GPC6: variants seen among roughly 807,000 people sequenced by gnomAD.
GPC6 encodes the protein glypican-6.
Under a neutral mutation model 55.2 loss-of-function variants are expected in GPC6, and 14 were observed. The observed-to-expected ratio is 0.25, with a 90% CI of 0.17 to 0.40. GPC6 has a LOEUF of 0.40. GPC6 is among the 10% of genes least tolerant of loss of function. The probability of loss-of-function intolerance (pLI) is 1.00; values close to 1 mark genes in which losing one functional copy is unlikely to be tolerated. For synonymous variants in GPC6, 278 were observed against 259.6 expected, an observed-to-expected ratio of 1.07 and a Z score of -0.68; for missense variants, 641 against 708.5, an observed-to-expected ratio of 0.90 and a Z score of 1.08.
At chr13:93,523,167 A>T (rs1022854396) in intron 1 of GPC6, among the ~76,000 whole-genome samples, 1 of 146,492 alleles carries the variant, frequency 6.8e-6, no homozygotes, top group East Asian at 2.1e-4. Flanking sequence ...ATATGTACAT[A>T]TATACACATA....
intron 4 of GPC6, 147 bp from the exon 5 acceptor site, chr13:94,286,202 C>G (rs767745730): frequency 2.0e-5 from 14 of 687,842 alleles, no homozygotes; most frequent in South Asian, 7.1e-5. Flanking sequence ...ATTCAGTCAT[C>G]TATTTCATTT....
At chr13:93,417,981 A>G (rs903462213) in intron 1 of GPC6, among the ~76,000 whole-genome samples, 1 of 152,070 alleles carries the variant, frequency 6.6e-6, no homozygotes, top group Non-Finnish European at 1.5e-5. Flanking sequence ...TAGCTTTCAT[A>G]CTTTATAAGA....
intron 2 of GPC6, among the ~76,000 whole-genome samples, chr13:93,743,685 A>G (rs918756972): frequency 1.3e-5 from 2 of 151,922 alleles, no homozygotes; most frequent in African/African-American, 4.8e-5. Flanking sequence ...TTTCATCTTT[A>G]TTATTTCCTT....
At chr13:94,067,540 A>G (rs1884563472) in intron 4 of GPC6, among the ~76,000 whole-genome samples, 1 of 151,684 alleles carries the variant, frequency 6.6e-6, no homozygotes. Flanking sequence ...GGGTGTGCTT[A>G]ATATTCACTG....
chr13:94,349,924 G>A (rs766806529), intron 6 of GPC6, among the ~76,000 whole-genome samples: 21 of 151,942 alleles, frequency 1.4e-4, no homozygotes, highest in Non-Finnish European at 2.2e-4. Context: ...AAAATTTCCC[G>A]AAATCCAAGG....
At chr13:93,257,801 G>T (rs1479335250) in intron 1 of GPC6, among the ~76,000 whole-genome samples, 2 of 152,108 alleles carry the variant, frequency 1.3e-5, no homozygotes, top group Non-Finnish European at 2.9e-5. Context: ...TGAATTATAT[G>T]ATTTCATTTT....
At chr13:93,529,977 G>A (rs950949924) in intron 1 of GPC6, among the ~76,000 whole-genome samples, 1 of 152,206 alleles carries the variant, frequency 6.6e-6, no homozygotes, top group African/African-American at 2.4e-5. Context: ...AGAATCAGAT[G>A]CATTCCATTT....
chr13:94,137,989 G>T (rs1887245754), intron 4 of GPC6, among the ~76,000 whole-genome samples: 1 of 152,102 alleles, frequency 6.6e-6, no homozygotes, highest in South Asian at 2.1e-4. Flanking sequence ...AAAACAAGAA[G>T]CAAACAAAAT....
intron 3 of GPC6, among the ~76,000 whole-genome samples, chr13:93,944,901 G>A (rs924949839): frequency 2.6e-5 from 4 of 152,204 alleles, no homozygotes; most frequent in Admixed American, 2.6e-4. Flanking sequence ...TAATTTCTTG[G>A]TGTGTGTGTT....
intron 4 of GPC6, among the ~76,000 whole-genome samples, chr13:94,201,875 G>A (rs1889761283): frequency 6.6e-6 from 1 of 152,128 alleles, no homozygotes; most frequent in Admixed American, 6.5e-5. Flanking sequence ...CTTGAACCTG[G>A]GAGGTGGAGG....
chr13:93,792,148 G>A (rs1313966916), intron 2 of GPC6, among the ~76,000 whole-genome samples: 1 of 152,238 alleles, frequency 6.6e-6, no homozygotes, highest in Non-Finnish European at 1.5e-5. Flanking sequence ...GCAGTGAGGA[G>A]CAGAGGGCAG....
intron 6 of GPC6, among the ~76,000 whole-genome samples, chr13:94,376,712 A>G (rs898449497): frequency 6.6e-6 from 1 of 152,190 alleles, no homozygotes; most frequent in Non-Finnish European, 1.5e-5. Context: ...TAAAGTTCAT[A>G]TGGAACCAAA....
chr13:94,101,588 T>C (rs1885863143), intron 4 of GPC6, among the ~76,000 whole-genome samples: 1 of 152,208 alleles, frequency 6.6e-6, no homozygotes, highest in Non-Finnish European at 1.5e-5. Context: ...ATATGAAAGG[T>C]CTTATAGTAA....
intron 1 of GPC6, among the ~76,000 whole-genome samples, chr13:93,497,199 C>T (rs991603368): frequency 6.6e-5 from 10 of 152,186 alleles, no homozygotes; most frequent in African/African-American, 2.4e-4. Flanking sequence ...TTTACTTTCA[C>T]ATTGGATCAG....
At chr13:93,427,477 C>A (rs1244774330) in intron 1 of GPC6, among the ~76,000 whole-genome samples, 1 of 151,666 alleles carries the variant, frequency 6.6e-6, no homozygotes, top group East Asian at 1.9e-4. Context: ...CTTTGACAAA[C>A]CTGAGAAAAA....
At position 93,497,894 on chromosome 13, in the gene GPC6, C is replaced by T. The variant is rs568604407; in HGVS notation, c.161-47369C>T. Among the ~76,000 whole-genome samples the T allele has an allele frequency of 1.1e-3, 170 of 152,328 alleles. 1 individual carries two copies. The highest frequency in any genetic ancestry group is 2.0e-3 in the Non-Finnish European group (138 of 68,024). On this transcript the variant is annotated intron_variant, in intron 1 of 8. Coordinates refer to ENST00000377047, the MANE Select transcript of GPC6 (RefSeq NM_005708.5). ...GAAATCTTGTAGTTCAAATCAACTT[C>T]TGCCTAAAGAAGGTGTATTGGAGGG...
intron 3 of GPC6, among the ~76,000 whole-genome samples, chr13:93,975,217 G>T (rs74109172): frequency 0.015 from 2,326 of 152,156 alleles, 70 homozygotes; most frequent in East Asian, 0.12. Context: ...AAAGGTAACT[G>T]ATACAAAAAT....
intron 2 of GPC6, among the ~76,000 whole-genome samples, chr13:93,568,051 A>G (rs1485957406): frequency 2.0e-5 from 3 of 152,192 alleles, no homozygotes; most frequent in African/African-American, 7.2e-5. Context: ...GTTCATCAGC[A>G]TAAGGACAAT....
At chr13:93,428,688 A>T (rs1420309078) in intron 1 of GPC6, among the ~76,000 whole-genome samples, 2 of 152,154 alleles carry the variant, frequency 1.3e-5, no homozygotes, top group Admixed American at 6.6e-5. Context: ...ATATTAGATC[A>T]TCTCTTTCCA....
Sources: gnomAD v4.1 joint callset for allele counts (sites outside exome capture counted in the v4.1 genomes callset) on GRCh38, gnomAD v4.1.1 for gene constraint, MANE v1.5 for transcripts, NCBI Gene and HGNC (gene_info 2026-07-23, HGNC 2026-07-21) for gene names.